The following YWHAE variants were observed in gnomAD, a reference collection of about 807,000 sequenced individuals.
YWHAE encodes 14-3-3 protein epsilon.
In YWHAE, 4 loss-of-function variants were observed where a neutral mutation model predicts 30.1. That is an observed-to-expected ratio of 0.13 (90% confidence interval 0.07 to 0.30). The LOEUF is 0.30. Ranked by LOEUF, YWHAE falls within the 10% of genes least tolerant of loss-of-function variation. The pLI, the probability that YWHAE is intolerant of heterozygous loss-of-function variation, is 1.00. For synonymous variants in YWHAE, 118 were observed against 111.8 expected (o/e 1.06, Z -0.35); for missense variants, 121 against 315.9 (o/e 0.38, Z 4.68).
chr17:1,372,080 C>T (rs2073051235), intron 1 of YWHAE, among the ~76,000 whole-genome samples: 1 of 152,284 alleles, frequency 6.6e-6, no homozygotes. Flanking sequence ...CCTCGTGATC[C>T]GTCCGCCTCG....
chr17:1,361,172 C>A lies in YWHAE; in HGVS notation c.498G>T (p.Thr166=), dbSNP rs146808095. The change falls in exon 4 of 6, where the codon ACG becomes ACT. Residue 166 remains threonine (T), a synonymous_variant. Coordinates refer to ENST00000264335, the MANE Select transcript of YWHAE (RefSeq NM_006761.5). ...SDIAMTELPP[T]HPIRLGLALN... ...GAGCAAGACCTAAGCGAATAGGATGCGTTGGTGGAAGTTCTGTCATTGCAA... is the reference window on the plus strand; with the variant it reads ...GAGCAAGACCTAAGCGAATAGGATGAGTTGGTGGAAGTTCTGTCATTGCAA... 2 of 1,614,020 alleles carry A rather than the reference C, an allele frequency of 1.2e-6. No homozygotes were observed. Among genetic ancestry groups the A allele is most frequent in the Non-Finnish European group, 1.7e-6 (2 of 1,180,010 alleles).
chr17:1,358,827 CTT>C, intron 4 of YWHAE, among the ~76,000 whole-genome samples: 1 of 61,434 alleles, frequency 1.6e-5, no homozygotes, highest in African/African-American at 1.1e-4. Flanking sequence ...GAGACTCCAT[CTT>C]AAAAAAAAAA....
At chr17:1,356,500 C>G (rs2072745513) in intron 4 of YWHAE, among the ~76,000 whole-genome samples, 1 of 152,212 alleles carries the variant, frequency 6.6e-6, no homozygotes, top group South Asian at 2.1e-4. Flanking sequence ...CAGGTTTAAG[C>G]AGAAGCATGA....
At chr17:1,385,920 G>T (rs1373643849) in intron 1 of YWHAE, among the ~76,000 whole-genome samples, 1 of 151,932 alleles carries the variant, frequency 6.6e-6, no homozygotes, top group East Asian at 1.9e-4. Context: ...CCACAAAAAA[G>T]GGGGAAAAAA....
intron 1 of YWHAE, among the ~76,000 whole-genome samples, chr17:1,366,688 A>G (rs1320656571): frequency 6.6e-6 from 1 of 152,108 alleles, no homozygotes; most frequent in African/African-American, 2.4e-5. Flanking sequence ...CACACCTGTA[A>G]TCTCAGCACT....
chr17:1,395,644 ACAGT>A (rs2150880776), intron 1 of YWHAE, among the ~76,000 whole-genome samples: 2 of 149,666 alleles, frequency 1.3e-5, no homozygotes, highest in African/African-American at 5.1e-5. Context: ...TTACTGGCCT[ACAGT>A]CAAAGAACTG....
chr17:1,398,358 T>C (rs191466680), intron 1 of YWHAE, among the ~76,000 whole-genome samples: 11 of 140,854 alleles, frequency 7.8e-5, no homozygotes, highest in African/African-American at 2.8e-4. Context: ...AGGAACCTTG[T>C]TGAATACAAA....
At chr17:1,386,927 C>G (rs2073308975) in intron 1 of YWHAE, among the ~76,000 whole-genome samples, 1 of 150,312 alleles carries the variant, frequency 6.7e-6, no homozygotes, top group South Asian at 2.1e-4. Flanking sequence ...GCACTCCAGT[C>G]TGGGCAACAG....
intron 1 of YWHAE, among the ~76,000 whole-genome samples, chr17:1,395,841 G>C (rs535295022): frequency 6.6e-6 from 1 of 152,314 alleles, no homozygotes; most frequent in Admixed American, 6.5e-5. Flanking sequence ...AGCTCTCAGC[G>C]GGCTCAGTGG....
rs1491196737 is a variant in YWHAE, at chr17:1,388,117, G to GTT, written c.64+11929_64+11930insAA. Among the ~76,000 whole-genome samples, 149 of 65,044 alleles carry GTT rather than the reference G, an allele frequency of 2.3e-3. 1 individual carries two copies. The highest frequency in any genetic ancestry group is 2.9e-3 in the Non-Finnish European group (123 of 43,052). The allele number at this position is 65,044 out of a possible 152,430, so 42.7% of individuals were successfully genotyped here. A position where few individuals can be genotyped will look rare whatever the true frequency, so the allele number is the denominator to read the frequency against. On this transcript the variant is annotated intron_variant, in intron 1 of 5. Transcript: ENST00000264335. ...GTAATTTTTGTTTTTTTTTTTGGTTGGTTTTTTTTTTTTTTTTTTTTTTTT... is the reference window on the plus strand; with the variant it reads ...GTAATTTTTGTTTTTTTTTTTGGTTGTTGTTTTTTTTTTTTTTTTTTTTTTTT...
intron 5 of YWHAE, chr17:1,352,042 C>T (rs2072643769): frequency 6.6e-6 from 1 of 152,078 alleles, no homozygotes; most frequent in Non-Finnish European, 1.5e-5. Context: ...CTTGGCCTCC[C>T]AAAGTGCTGG....
chr17:1,394,460 A>AAAAAAAAAAAAC (rs1555647412), intron 1 of YWHAE, among the ~76,000 whole-genome samples: 18 of 137,622 alleles, frequency 1.3e-4, no homozygotes, highest in African/African-American at 5.2e-4. Context: ...AAAAAAAAAA[A>AAAAAAAAAAAAC]ACACAAAAAT....
At chr17:1,359,380 G>A (rs954111131) in intron 4 of YWHAE, among the ~76,000 whole-genome samples, 2 of 151,412 alleles carry the variant, frequency 1.3e-5, no homozygotes, top group Non-Finnish European at 2.9e-5. Context: ...AAGGACTCAA[G>A]CAAATACTTA....
chr17:1,394,667 T>C (rs1171513313), intron 1 of YWHAE, among the ~76,000 whole-genome samples: 1 of 151,834 alleles, frequency 6.6e-6, no homozygotes, highest in Non-Finnish European at 1.5e-5. Flanking sequence ...ATGTGCCCAT[T>C]AAAAAATTAA....
chr17:1,362,094 G>C, intron 2 of YWHAE, 86 bp from the exon 3 acceptor site: 1 of 773,650 alleles, frequency 1.3e-6, no homozygotes, highest in Non-Finnish European at 1.9e-6. Flanking sequence ...TTTTGAGGTA[G>C]AGAGCTTAGT....
chr17:1,352,121 T>A (rs895649649), intron 5 of YWHAE: 1 of 152,082 alleles, frequency 6.6e-6, no homozygotes, highest in East Asian at 1.9e-4. Flanking sequence ...TTGTTCACAG[T>A]TGGTAAATTA....
intron 2 of YWHAE, chr17:1,364,617 A>G (rs771914908): frequency 7.3e-6 from 4 of 545,082 alleles, no homozygotes; most frequent in Non-Finnish European, 1.3e-5. Flanking sequence ...GAGACCTGCC[A>G]GTGGATGTGA....
At position 1,379,528 on chromosome 17, in the gene YWHAE, G is replaced by A. The variant is rs756479201; in HGVS notation, c.65-14470C>T. Among the ~76,000 whole-genome samples the A allele has an allele frequency of 3.2e-4, 49 of 151,938 alleles. 1 individual carries two copies. The highest frequency in any genetic ancestry group is 1.1e-3 in the Admixed American group (16 of 15,230). ...ATGCAAAACTTCTAATTCGAATGAC[G>A]AAAAAAACTATCAACTACACTAATT... On this transcript the variant is annotated intron_variant, in intron 1 of 5. Transcript: ENST00000264335.
At chr17:1,371,017 A>C (rs944856884) in intron 1 of YWHAE, among the ~76,000 whole-genome samples, 1 of 152,086 alleles carries the variant, frequency 6.6e-6, no homozygotes, top group African/African-American at 2.4e-5. Flanking sequence ...AAAAATCAAA[A>C]AACATTGCTC....
Sources: allele counts gnomAD v4.1 joint callset (sites outside exome capture counted in the v4.1 genomes callset), GRCh38; gene constraint gnomAD v4.1.1; transcripts MANE v1.5; gene names NCBI Gene and HGNC (gene_info 2026-07-23, HGNC 2026-07-21).